The following LAMB1 variants were observed in gnomAD, a reference collection of about 807,000 sequenced individuals.
The protein encoded by LAMB1 is laminin subunit beta-1.
Under a neutral mutation model 222.3 loss-of-function variants are expected in LAMB1, and 121 were observed. The observed-to-expected ratio is 0.54, with a 90% CI of 0.47 to 0.63. The LOEUF (loss-of-function observed/expected upper bound fraction) is 0.63, where lower values mean the gene tolerates loss of function less well. LAMB1 is among the 30% of genes least tolerant of loss of function. The probability of loss-of-function intolerance (pLI) is 0.00; values close to 1 mark genes in which losing one functional copy is unlikely to be tolerated. For synonymous variants in LAMB1, 794 were observed against 807.2 expected, an observed-to-expected ratio of 0.98 and a Z score of 0.28; for missense variants, 2,172 against 2,240.8, an observed-to-expected ratio of 0.97 and a Z score of 0.62.
intron 5 of LAMB1, among the ~76,000 whole-genome samples, chr7:107,992,981 A>G (rs957247661): frequency 6.6e-6 from 1 of 152,158 alleles, no homozygotes; most frequent in Admixed American, 6.5e-5. Flanking sequence ...CTTCCCATTT[A>G]CCAATGAGGA....
chr7:107,984,647 A>G (rs1165190317), intron 7 of LAMB1, among the ~76,000 whole-genome samples: 1 of 152,230 alleles, frequency 6.6e-6, no homozygotes, highest in Non-Finnish European at 1.5e-5. Context: ...AACCATGTGA[A>G]TAAACCTGGA....
At chr7:107,970,923 G>A (rs1157241795) in intron 13 of LAMB1, among the ~76,000 whole-genome samples, 1 of 152,118 alleles carries the variant, frequency 6.6e-6, no homozygotes. Flanking sequence ...AGTAGAGACA[G>A]GGTTTCACCA....
chr7:107,968,246 C>A (rs536743279), intron 13 of LAMB1, among the ~76,000 whole-genome samples: 1 of 152,254 alleles, frequency 6.6e-6, no homozygotes, highest in Admixed American at 6.5e-5. Context: ...CTCCTGTGTT[C>A]AAGTAAAAAT....
chr7:107,972,908 G>C, intron 13 of LAMB1, 84 bp downstream of exon 13: 1 of 1,087,846 alleles, frequency 9.2e-7, no homozygotes, highest in East Asian at 2.4e-5. Context: ...GTCTTTTTGA[G>C]AAACAACTGA....
chr7:107,937,835 T>G (rs1050055630), intron 25 of LAMB1, among the ~76,000 whole-genome samples: 1 of 152,174 alleles, frequency 6.6e-6, no homozygotes, highest in African/African-American at 2.4e-5. Context: ...ACCAACAGCC[T>G]TTTTATTTTT....
At chr7:107,954,543 G>A (rs1042842889) in intron 21 of LAMB1, among the ~76,000 whole-genome samples, 1 of 152,080 alleles carries the variant, frequency 6.6e-6, no homozygotes, top group African/African-American at 2.4e-5. Flanking sequence ...GGGAGGCCGA[G>A]GTGGGTGGAT....
Position 107,975,790 on chromosome 7 carries a change from T to A in LAMB1, c.1088A>T (p.Asp363Val). Residue 363 changes from aspartate to valine, a missense_variant, in exon 10 of 34, where the codon GAT (aspartate) becomes GTT (valine). Physicochemically the swap from Asp to Val is radical, Grantham distance 152 (BLOSUM62 -3). Coordinates refer to ENST00000222399, the MANE Select transcript of LAMB1 (RefSeq NM_002291.3). ...ATGNVSGGVC[D>V]DCQHNTMGRN... The stretch of plus-strand genomic sequence containing the variant: ...CCCCATGGTGTTGTGCTGACAGTCA[T>A]CACACACGCCTCCGCTGACGTTCCC... 1 of 1,613,970 alleles carries A rather than the reference T, an allele frequency of 6.2e-7. No homozygotes were observed. The highest frequency in any genetic ancestry group is 8.5e-7 in the Non-Finnish European group (1 of 1,179,968).
At position 107,953,634 on chromosome 7, in the gene LAMB1, T is replaced by G; in HGVS notation, c.2975A>C (p.Lys992Thr). 6.2e-7 allele frequency: 1 copy of G among 1,614,180 alleles called. No homozygotes were observed. The highest frequency in any genetic ancestry group is 1.3e-5 in the African/African-American group (1 of 75,052). The change falls in exon 22 of 34, where the codon AAG becomes ACG. Residue 992 changes from lysine to threonine, a missense_variant. Lys to Thr is a moderately conservative substitution (Grantham distance 78). Transcript: ENST00000222399. ...GCACTTGAGACACCTCCCAGTCTCCTTGTCACAGGCTTCTGGGTCTGTCGT... is the reference window on the plus strand; with the variant it reads ...GCACTTGAGACACCTCCCAGTCTCCGTGTCACAGGCTTCTGGGTCTGTCGT... ...IDTTDPEACD[K>T]ETGRCLKCLY...
intron 24 of LAMB1, among the ~76,000 whole-genome samples, chr7:107,945,494 C>G (rs949860053): frequency 1.3e-5 from 2 of 152,214 alleles, no homozygotes; most frequent in African/African-American, 4.8e-5. Context: ...AGACTGTTTC[C>G]CGAGGGCACC....
intron 28 of LAMB1, among the ~76,000 whole-genome samples, chr7:107,931,907 A>T (rs1224656443): frequency 6.6e-6 from 1 of 152,224 alleles, no homozygotes; most frequent in South Asian, 2.1e-4. Flanking sequence ...GAAAAGTAAG[A>T]TGGCTATCTC....
intron 3 of LAMB1, among the ~76,000 whole-genome samples, chr7:107,999,543 AG>A (rs1374946292): frequency 6.6e-6 from 1 of 152,170 alleles, no homozygotes; most frequent in Non-Finnish European, 1.5e-5. Flanking sequence ...TCTTCTCAAA[AG>A]GATTTGGAGA....
chr7:107,981,579 G>C (rs753394335), intron 7 of LAMB1, among the ~76,000 whole-genome samples: 2 of 152,174 alleles, frequency 1.3e-5, no homozygotes, highest in Non-Finnish European at 2.9e-5. Context: ...TCTGTTTGCA[G>C]AACAGCTATT....
At position 107,980,654 on chromosome 7, in the gene LAMB1, G is replaced by A. The variant is rs540581734; in HGVS notation, c.834C>T (p.Ser278=). 6.8e-6 allele frequency: 11 copies of A among 1,613,996 alleles called. No individual in the cohort carries two copies. Among genetic ancestry groups the A allele is most frequent in the African/African-American group, 4.0e-5 (3 of 75,002 alleles). The change falls in exon 8 of 34, where the codon AGC becomes AGT. Residue 278 remains serine, a synonymous_variant. Transcript: ENST00000222399. The part of the protein sequence containing the change: ...RGNCFCYGHA[S]ECAPVDGFNE... ...TGAATCCATCCACAGGGGCACATTC[G>A]CTGGCATGACCATAGCAGAAGCAAT...
intron 4 of LAMB1, among the ~76,000 whole-genome samples, chr7:107,995,720 C>A (rs1182168942): frequency 2.6e-5 from 4 of 152,168 alleles, no homozygotes; most frequent in Non-Finnish European, 1.5e-5. Flanking sequence ...AGCACCTCCT[C>A]CCCAGTCCCT....
intron 24 of LAMB1, among the ~76,000 whole-genome samples, chr7:107,943,379 CACT>C (rs1201368317): frequency 1.3e-5 from 2 of 152,148 alleles, no homozygotes; most frequent in African/African-American, 4.8e-5. Context: ...TTGGGAAAAC[CACT>C]ACATTAATCG....
At chr7:107,936,679 TATAA>T (rs1369590392) in intron 26 of LAMB1, among the ~76,000 whole-genome samples, 4 of 152,362 alleles carry the variant, frequency 2.6e-5, no homozygotes, top group Admixed American at 6.5e-5. Flanking sequence ...CAGTCTATGA[TATAA>T]ATAATGATTT....
intron 20 of LAMB1, among the ~76,000 whole-genome samples, chr7:107,956,923 A>T (rs2033389814): frequency 1.3e-5 from 2 of 152,258 alleles, no homozygotes; most frequent in Non-Finnish European, 2.9e-5. Context: ...AACTAGTTAA[A>T]TAATGAGCCA....
At chr7:107,939,299 G>A (rs749116993) in intron 25 of LAMB1, among the ~76,000 whole-genome samples, 2 of 151,582 alleles carry the variant, frequency 1.3e-5, no homozygotes, top group Non-Finnish European at 2.9e-5. Flanking sequence ...CAATTCTCTA[G>A]GCTTCCACTA....
rs563000597 is a variant in LAMB1, at chr7:107,947,157, C to T, written c.3391+4069G>A. On this transcript the variant is annotated intron_variant, in intron 24 of 33. Transcript: ENST00000222399. Reference sequence around the variant, plus strand: ...TGGGCTTGTTCAGGCTTGGCACCATCGACCAACAGCCCCAACCCGCCTGGA... The same window carrying T: ...TGGGCTTGTTCAGGCTTGGCACCATTGACCAACAGCCCCAACCCGCCTGGA... Among the ~76,000 whole-genome samples the T allele has an allele frequency of 2.7e-4, 41 of 152,312 alleles. No individual in the cohort carries two copies. The South Asian group carries it at 8.1e-3, about 30-fold the overall frequency.
Sources: allele counts gnomAD v4.1 joint callset (sites outside exome capture counted in the v4.1 genomes callset), GRCh38; gene constraint gnomAD v4.1.1; transcripts MANE v1.5; gene names NCBI Gene and HGNC (gene_info 2026-07-23, HGNC 2026-07-21).